The following CTNNA2 variants were observed in gnomAD, a reference collection of about 807,000 sequenced individuals.
The protein encoded by CTNNA2 is catenin alpha-2.
In CTNNA2, 42 loss-of-function variants were observed where a neutral mutation model predicts 101.0. The observed-to-expected ratio is 0.42, with a 90% CI of 0.32 to 0.54. The LOEUF is 0.54. Ranked by LOEUF, CTNNA2 falls within the 20% of genes least tolerant of loss-of-function variation. CTNNA2 has a pLI of 0.14. For missense variants in CTNNA2, 871 were observed against 1,223.1 expected, an observed-to-expected ratio of 0.71 and a Z score of 4.29; for synonymous variants, 450 against 456.4, an observed-to-expected ratio of 0.99 and a Z score of 0.18.
In CTNNA2 at chr2:80,317,165, G is replaced by A. The variant is rs569707639; in HGVS notation, c.1057-76046G>A. ...TAGTGTGCTCAAGTGAGTGAGACGG[G>A]GATGAAGAGATGGGAAGGAGGATTT... On this transcript the variant is annotated intron_variant, in intron 7 of 18. Transcript: ENST00000402739. 3.9e-5 allele frequency among the ~76,000 whole-genome samples: 6 copies of A among 152,238 alleles called. No homozygotes were observed. In the South Asian group the frequency reaches 1.0e-3, roughly 26 times the overall value.
chr2:80,472,498 T>C (rs914277089), intron 9 of CTNNA2, among the ~76,000 whole-genome samples: 1 of 152,192 alleles, frequency 6.6e-6, no homozygotes, highest in African/African-American at 2.4e-5. Context: ...AAGCAAACTC[T>C]GAACATGCAA....
intron 7 of CTNNA2, among the ~76,000 whole-genome samples, chr2:80,199,595 G>C (rs1707075956): frequency 6.6e-6 from 1 of 152,178 alleles, no homozygotes; most frequent in African/African-American, 2.4e-5. Flanking sequence ...TGAGGGAAAG[G>C]GCAGTACATT....
intron 4 of CTNNA2, among the ~76,000 whole-genome samples, chr2:79,427,086 T>TA (rs1678599105): frequency 1.3e-5 from 2 of 152,048 alleles, no homozygotes; most frequent in Non-Finnish European, 1.5e-5. Flanking sequence ...CTTTTTTTTT[T>TA]AACATGAAAT....
rs573761842 is a variant in CTNNA2, at chr2:80,633,428, T to C, written c.2575-14157T>C. ...TGAATCCTGATGGCAAGATTGGGAG[T>C]TTGTACAACTTTTCTCCCCTTATGG... On this transcript the variant is annotated intron_variant, in intron 18 of 18. Transcript: ENST00000402739. 3.9e-5 allele frequency among the ~76,000 whole-genome samples: 6 copies of C among 152,206 alleles called. No homozygotes were observed. The East Asian group carries it at 1.2e-3, about 29-fold the overall frequency.
At chr2:79,290,279 T>G (rs1249518691) in intron 2 of CTNNA2, among the ~76,000 whole-genome samples, 1 of 152,060 alleles carries the variant, frequency 6.6e-6, no homozygotes, top group Non-Finnish European at 1.5e-5. Flanking sequence ...AGAGCATTGG[T>G]TACTGATCAA....
intron 7 of CTNNA2, among the ~76,000 whole-genome samples, chr2:80,023,913 C>T (rs1008010283): frequency 2.0e-5 from 3 of 151,532 alleles, no homozygotes; most frequent in African/African-American, 7.3e-5. Context: ...CGGTGAAACC[C>T]CGTCTCTACT....
chr2:80,422,706 G>A (rs1030471968), intron 9 of CTNNA2, among the ~76,000 whole-genome samples: 17 of 151,988 alleles, frequency 1.1e-4, no homozygotes, highest in South Asian at 4.1e-4. Flanking sequence ...TGATTTTCTC[G>A]TCTCCTTTAT....
Position 79,575,488 on chromosome 2 carries a change from A to G in CTNNA2, c.-6+62281A>G, listed in dbSNP as rs530831837. 2.0e-5 allele frequency: 3 copies of G among 152,132 alleles called. No individual in the cohort carries two copies. In the South Asian group the frequency reaches 6.2e-4, roughly 32 times the overall value. 9.4% of individuals were successfully genotyped at this position (152,132 alleles called of 1,614,324 possible). A position where few individuals can be genotyped will look rare whatever the true frequency, so the allele number is the denominator to read the frequency against. Reference sequence around the variant, plus strand: ...TCCTCATACTTTTGATCTCGTTGCTATAGAGAGTGGGGTGAAATTCGTCAT... The same window carrying G: ...TCCTCATACTTTTGATCTCGTTGCTGTAGAGAGTGGGGTGAAATTCGTCAT... On this transcript the variant is annotated intron_variant, in intron 1 of 18. Transcript: ENST00000402739.
intron 3 of CTNNA2, among the ~76,000 whole-genome samples, chr2:79,785,151 T>C (rs979740114): frequency 2.6e-5 from 4 of 152,082 alleles, no homozygotes; most frequent in Non-Finnish European, 4.4e-5. Context: ...GTAGCCAGAG[T>C]GATCTTCTAA....
At chr2:79,732,104 G>A (rs1279576208) in intron 2 of CTNNA2, among the ~76,000 whole-genome samples, 1 of 152,012 alleles carries the variant, frequency 6.6e-6, no homozygotes, top group African/African-American at 2.4e-5. Flanking sequence ...TTAACTGACT[G>A]TTTGAAATTT....
intron 3 of CTNNA2, among the ~76,000 whole-genome samples, chr2:79,777,891 GGTTTTT>G (rs1388056320): frequency 2.9e-5 from 4 of 135,740 alleles, no homozygotes; most frequent in Admixed American, 1.5e-4. Flanking sequence ...ATTTGCATGG[GGTTTTT>G]TTTTTTTTTT....
At chr2:79,893,314 C>T (rs1684437480) in intron 6 of CTNNA2, among the ~76,000 whole-genome samples, 1 of 152,066 alleles carries the variant, frequency 6.6e-6, no homozygotes, top group African/African-American at 2.4e-5. Flanking sequence ...AATCTCTTTC[C>T]AGAGGTCCCA....
At chr2:79,448,658 A>C (rs1045434166) in intron 4 of CTNNA2, among the ~76,000 whole-genome samples, 1 of 152,004 alleles carries the variant, frequency 6.6e-6, no homozygotes, top group Non-Finnish European at 1.5e-5. Flanking sequence ...GACAAAATAC[A>C]AAGTCTAGAA....
At chr2:80,516,109 T>A (rs1467553459) in intron 9 of CTNNA2, among the ~76,000 whole-genome samples, 1 of 151,890 alleles carries the variant, frequency 6.6e-6, no homozygotes, top group African/African-American at 2.4e-5. Flanking sequence ...TGAGGCAGAG[T>A]GTGTGAAGCC....
chr2:79,612,268 A>AG, intron 1 of CTNNA2, among the ~76,000 whole-genome samples: 1 of 152,324 alleles, frequency 6.6e-6, no homozygotes, highest in African/African-American at 2.4e-5. Flanking sequence ...TGTATAAGGT[A>AG]GCAAATGTTT....
intron 7 of CTNNA2, among the ~76,000 whole-genome samples, chr2:79,954,535 C>T (rs757833219): frequency 1.1e-4 from 16 of 152,220 alleles, no homozygotes; most frequent in African/African-American, 2.4e-4. Context: ...CTGATTGTTA[C>T]GTATAATTTT....
chr2:79,524,001 G>A (rs1672261340), intron 1 of CTNNA2, among the ~76,000 whole-genome samples: 1 of 152,010 alleles, frequency 6.6e-6, no homozygotes, highest in Admixed American at 6.6e-5. Context: ...CTGAATTAAT[G>A]ATATACTATT....
At chr2:79,372,939 C>G (rs1431814123) in intron 3 of CTNNA2, among the ~76,000 whole-genome samples, 1 of 152,156 alleles carries the variant, frequency 6.6e-6, no homozygotes, top group Non-Finnish European at 1.5e-5. Context: ...AGAAGACAAA[C>G]AACTCCCCAG....
At chr2:80,540,049 T>C (rs1305515133) in intron 9 of CTNNA2, among the ~76,000 whole-genome samples, 1 of 152,180 alleles carries the variant, frequency 6.6e-6, no homozygotes, top group East Asian at 1.9e-4. Flanking sequence ...TTTAATTGTA[T>C]TGTTCAACAT....
Sources: allele counts gnomAD v4.1 joint callset (sites outside exome capture counted in the v4.1 genomes callset), GRCh38; gene constraint gnomAD v4.1.1; transcripts MANE v1.5; gene names NCBI Gene and HGNC (gene_info 2026-07-23, HGNC 2026-07-21).